Variants in FABP12 observed in about 807,000 individuals in gnomAD.
FABP12 encodes fatty acid-binding protein 12.
Under a neutral mutation model 13.7 loss-of-function variants are expected in FABP12, and 19 were observed. The observed-to-expected ratio is 1.39, with a 90% CI of 0.97 to 2.04. FABP12 has a LOEUF of 2.04. Ranked by LOEUF, FABP12 falls within the 30% of genes most tolerant of loss-of-function variation. FABP12 has a pLI of 0.00. For synonymous variants in FABP12, 61 were observed against 57.0 expected (o/e 1.07, Z -0.32); for missense variants, 182 against 164.2 (o/e 1.11, Z -0.59).
At chr8:81,544,872 A>G (rs775456662) in intron 1 of FABP12, among the ~76,000 whole-genome samples, 8 of 152,188 alleles carry the variant, frequency 5.3e-5, no homozygotes, top group Non-Finnish European at 1.0e-4. Flanking sequence ...GTGAGAGGTA[A>G]AAGTAATTTT....
rs377296739 is a variant in FABP12 at position 81,525,345 on chromosome 8, G to A, written c.349-225C>T. On this transcript the variant is annotated intron_variant, in intron 4 of 4. Coordinates refer to ENST00000360464, the Ensembl canonical transcript of FABP12. ...AGCCTGGCCAACACGGTGAAACCCC[G>A]TCTCTACTAAAAATACAAAAATTAG... is the stretch of plus-strand genomic sequence containing the variant. Among the ~76,000 whole-genome samples the A allele has an allele frequency of 2.8e-3, 433 of 152,058 alleles. 1 individual carries two copies. The highest frequency in any genetic ancestry group is 4.7e-3 in the Non-Finnish European group (317 of 67,970).
chr8:81,532,161 A>G (rs6992664), intron 1 of FABP12, among the ~76,000 whole-genome samples: 5,113 of 152,280 alleles, frequency 0.034, 186 homozygotes, highest in African/African-American at 0.095. Context: ...CAAGGAATAT[A>G]ACAGCAAATC....
chr8:81,552,569 G>T (rs61528282), intron 1 of FABP12, among the ~76,000 whole-genome samples: 2,367 of 152,274 alleles, frequency 0.016, 54 homozygotes, highest in African/African-American at 0.054. Context: ...TAAGAGTGGA[G>T]AATGCTTGGA....
At chr8:81,531,588 T>C (rs1229102548) in intron 1 of FABP12, among the ~76,000 whole-genome samples, 198 bp from the exon 2 acceptor site, 1 of 152,156 alleles carries the variant, frequency 6.6e-6, no homozygotes, top group Non-Finnish European at 1.5e-5. Context: ...AACACCAATT[T>C]AGCATCAAAA....
chr8:81,574,518 A>G (rs768936753), intron 1 of FABP12, among the ~76,000 whole-genome samples: 18 of 152,184 alleles, frequency 1.2e-4, no homozygotes, highest in African/African-American at 3.9e-4. Flanking sequence ...AATAGTGTCA[A>G]TAGGATCGGT....
intron 1 of FABP12, among the ~76,000 whole-genome samples, chr8:81,541,351 A>C (rs1013151161): frequency 3.3e-5 from 5 of 152,126 alleles, no homozygotes; most frequent in Admixed American, 2.0e-4. Context: ...TTAAACATAC[A>C]ATAAAATTTG....
intron 1 of FABP12, among the ~76,000 whole-genome samples, chr8:81,543,736 A>T (rs968297817): frequency 2.0e-5 from 3 of 152,172 alleles, no homozygotes; most frequent in Admixed American, 2.0e-4. Flanking sequence ...CAATAATTTC[A>T]ATTTATCTAA....
At chr8:81,573,320 A>G (rs1809968637) in intron 1 of FABP12, among the ~76,000 whole-genome samples, 1 of 152,116 alleles carries the variant, frequency 6.6e-6, no homozygotes, top group African/African-American at 2.4e-5. Context: ...GCCTATTTTT[A>G]TACTAGTACC....
At chr8:81,558,795 C>A (rs549825697) in intron 1 of FABP12, among the ~76,000 whole-genome samples, 152 of 148,458 alleles carry the variant, frequency 1.0e-3, no homozygotes, top group African/African-American at 3.7e-3. Context: ...GAGGCTGAGG[C>A]AGGAGAATCG....
chr8:81,541,596 CT>C (rs981929406), intron 1 of FABP12, among the ~76,000 whole-genome samples: 2 of 152,034 alleles, frequency 1.3e-5, no homozygotes, highest in African/African-American at 4.8e-5. Context: ...AAGGTTTTTT[CT>C]TTTTTAACTG....
intron 1 of FABP12, chr8:81,533,027 A>G (rs950124279): frequency 2.0e-5 from 3 of 152,222 alleles, no homozygotes; most frequent in Admixed American, 1.3e-4. Flanking sequence ...GTGCTGCCAC[A>G]TATGTCGGAT....
intron 1 of FABP12, among the ~76,000 whole-genome samples, chr8:81,546,210 T>C (rs1809431890): frequency 6.6e-6 from 1 of 152,242 alleles, no homozygotes; most frequent in African/African-American, 2.4e-5. Flanking sequence ...GATCTGTTTC[T>C]TGCCAATCAA....
At chr8:81,559,696 T>G (rs79094794) in intron 1 of FABP12, among the ~76,000 whole-genome samples, 2,864 of 152,302 alleles carry the variant, frequency 0.019, 88 homozygotes, top group African/African-American at 0.064. Flanking sequence ...GAAATTTCAG[T>G]GTCTGATGCT....
intron 1 of FABP12, among the ~76,000 whole-genome samples, chr8:81,575,946 C>G (rs1810037597): frequency 6.6e-6 from 1 of 152,124 alleles, no homozygotes; most frequent in Non-Finnish European, 1.5e-5. Flanking sequence ...AAATTGTCTT[C>G]CACGAAATTG....
At chr8:81,541,910 TAAAAAAAAAAAAA>T (rs1167487132) in intron 1 of FABP12, among the ~76,000 whole-genome samples, 83 of 71,160 alleles carry the variant, frequency 1.2e-3, no homozygotes, top group South Asian at 6.5e-3. Flanking sequence ...TCCCAGGGTT[TAAAAAAAAAAAAA>T]AAAAAAAAAA....
intron 1 of FABP12, among the ~76,000 whole-genome samples, chr8:81,578,487 CT>C (rs201920868): frequency 0.071 from 9,665 of 136,528 alleles, 280 homozygotes; most frequent in South Asian, 0.11. Flanking sequence ...ATTTTCTTTT[CT>C]TTTTTTTTTT....
chr8:81,525,134 G>T lies in FABP12; in HGVS notation c.349-14C>A, dbSNP rs750303552. ...CACAGTACTTTCCTACAAGACAAAA[G>T]AAATATGAGGTATTTCAGTATAGTT... On this transcript the variant is annotated splice_polypyrimidine_tract_variant and intron_variant, in intron 4 of 4. Transcript: ENST00000360464. The T allele has an allele frequency of 8.9e-5, 133 of 1,501,896 alleles. 1 individual carries two copies. The highest frequency in any genetic ancestry group is 8.6e-4 in the Middle Eastern group (5 of 5,824). 93.0% of individuals were successfully genotyped at this position (1,501,896 alleles called of 1,614,324 possible).
rs1449248324 is a variant in FABP12, at chr8:81,531,409, T to G, written c.-75-19A>C. On this transcript the variant is annotated intron_variant, in intron 1 of 4. Transcript: ENST00000360464. ...ATGGGAACTTGTTTTTAATACAATT[T>G]TGGGTAGAGAATGAGATGAGAAAAG... is the stretch of plus-strand genomic sequence containing the variant. 6 of 790,198 alleles carry G rather than the reference T, an allele frequency of 7.6e-6. No individual in the cohort carries two copies. Among genetic ancestry groups the G allele is most frequent in the East Asian group, 2.8e-5 (1 of 36,170 alleles). The allele number at this position is 790,198 out of a possible 1,614,324, so 48.9% of individuals were successfully genotyped here. A position where few individuals can be genotyped will look rare whatever the true frequency, so the allele number is the denominator to read the frequency against.
intron 1 of FABP12, among the ~76,000 whole-genome samples, chr8:81,576,441 G>A (rs371707126): frequency 2.6e-5 from 4 of 151,876 alleles, no homozygotes; most frequent in South Asian, 2.1e-4. Flanking sequence ...ATAGGCAATC[G>A]AAATTTCGAG....
Sources: allele counts gnomAD v4.1 joint callset (sites outside exome capture counted in the v4.1 genomes callset), GRCh38; gene constraint gnomAD v4.1.1; transcripts MANE v1.5; gene names NCBI Gene and HGNC (gene_info 2026-07-23, HGNC 2026-07-21).